UBE2W: variants seen among roughly 807,000 people sequenced by gnomAD.
UBE2W encodes the protein ubiquitin conjugating enzyme E2 W.
In UBE2W, 18 loss-of-function variants were observed where a neutral mutation model predicts 27.2. The ratio of observed to expected loss-of-function variants is 0.66; its 90% CI spans 0.46 to 0.98. UBE2W has a LOEUF of 0.98. Ranked by LOEUF, UBE2W falls within the 50% of genes least tolerant of loss-of-function variation. UBE2W has a pLI of 0.00. For missense variants in UBE2W, 90 were observed against 180.2 expected, an observed-to-expected ratio of 0.50 and a Z score of 2.87; for synonymous variants, 53 against 57.2, an observed-to-expected ratio of 0.93 and a Z score of 0.33.
chr8:73,862,577 G>C (rs1426185254), intron 1 of UBE2W, among the ~76,000 whole-genome samples: 2 of 146,058 alleles, frequency 1.4e-5, no homozygotes, highest in Non-Finnish European at 3.0e-5. Context: ...ATTGACAAAT[G>C]GGATCTAATT....
intron 1 of UBE2W, among the ~76,000 whole-genome samples, chr8:73,852,846 T>C (rs1586525613): frequency 6.6e-6 from 1 of 152,140 alleles, no homozygotes; most frequent in Non-Finnish European, 1.5e-5. Context: ...GAAAGAACTA[T>C]GTAAACTATG....
At chr8:73,835,393 C>G (rs1006793325) in intron 1 of UBE2W, among the ~76,000 whole-genome samples, 1 of 152,042 alleles carries the variant, frequency 6.6e-6, no homozygotes. Context: ...TCTGTGTGAC[C>G]AATGGAATAC....
At chr8:73,850,929 G>A (rs1011174156) in intron 1 of UBE2W, among the ~76,000 whole-genome samples, 4 of 151,566 alleles carry the variant, frequency 2.6e-5, no homozygotes, top group Admixed American at 1.3e-4. Context: ...GCGCAATCTC[G>A]GCTTAATGCA....
intron 1 of UBE2W, among the ~76,000 whole-genome samples, chr8:73,873,218 C>T (rs1002198928): frequency 6.6e-6 from 1 of 152,120 alleles, no homozygotes; most frequent in African/African-American, 2.4e-5. Context: ...TATTTTCTAA[C>T]TTTTAATTAT....
intron 5 of UBE2W, among the ~76,000 whole-genome samples, chr8:73,800,860 G>A (rs1232724343): frequency 2.6e-5 from 4 of 152,162 alleles, no homozygotes; most frequent in Non-Finnish European, 4.4e-5. Context: ...TTGGGAGGCC[G>A]AGGGGGCAGA....
chr8:73,838,264 A>C (rs905576769), intron 1 of UBE2W, among the ~76,000 whole-genome samples: 1 of 152,152 alleles, frequency 6.6e-6, no homozygotes, highest in African/African-American at 2.4e-5. Flanking sequence ...ATGAAACCAC[A>C]CTAATTTATT....
At chr8:73,841,313 AAACTC>A (rs1300370900) in intron 1 of UBE2W, among the ~76,000 whole-genome samples, 1 of 152,202 alleles carries the variant, frequency 6.6e-6, no homozygotes, top group Non-Finnish European at 1.5e-5. Flanking sequence ...AAACAGAACT[AAACTC>A]AGGCTGAGTA....
At chr8:73,851,605 T>A (rs1811082897) in intron 1 of UBE2W, among the ~76,000 whole-genome samples, 1 of 152,140 alleles carries the variant, frequency 6.6e-6, no homozygotes, top group South Asian at 2.1e-4. Flanking sequence ...AATAAAAATA[T>A]GATCATGCTG....
At chr8:73,794,138 ATAAT>A in intron 5 of UBE2W, 23 bp from the exon 6 acceptor site, 6 of 1,611,234 alleles carry the variant, frequency 3.7e-6, no homozygotes, top group Non-Finnish European at 5.1e-6. Flanking sequence ...GAGAAAAAAG[ATAAT>A]TAAAAAGTCA....
chr8:73,820,185 A>G (rs1809549256), intron 3 of UBE2W, among the ~76,000 whole-genome samples: 1 of 152,152 alleles, frequency 6.6e-6, no homozygotes, highest in Non-Finnish European at 1.5e-5. Flanking sequence ...TTACTGCCCT[A>G]GAGGACTGGT....
intron 1 of UBE2W, among the ~76,000 whole-genome samples, chr8:73,865,990 TCAG>T (rs1257940862): frequency 6.6e-6 from 1 of 152,026 alleles, no homozygotes; most frequent in East Asian, 1.9e-4. Context: ...AAACATATTC[TCAG>T]CAGACCAGGA....
intron 1 of UBE2W, among the ~76,000 whole-genome samples, chr8:73,841,449 T>G (rs574524871): frequency 6.6e-6 from 1 of 152,338 alleles, no homozygotes; most frequent in Admixed American, 6.5e-5. Context: ...TAAGCTAAAC[T>G]TTTTAAAATT....
intron 1 of UBE2W, among the ~76,000 whole-genome samples, chr8:73,869,770 A>G (rs1811923676): frequency 6.6e-6 from 1 of 152,144 alleles, no homozygotes; most frequent in Non-Finnish European, 1.5e-5. Context: ...AGGCTGAGGC[A>G]GGAGGATCAC....
intron 1 of UBE2W, among the ~76,000 whole-genome samples, chr8:73,857,962 C>T (rs763738961): frequency 5.3e-5 from 8 of 151,740 alleles, no homozygotes; most frequent in Non-Finnish European, 7.4e-5. Flanking sequence ...TGGTGGCTCA[C>T]GTCTGTAATC....
At chr8:73,800,760 G>A (rs1808603116) in intron 5 of UBE2W, among the ~76,000 whole-genome samples, 1 of 152,108 alleles carries the variant, frequency 6.6e-6, no homozygotes, top group African/African-American at 2.4e-5. Context: ...AGCAAAGTAT[G>A]GATTTCTCAG....
intron 4 of UBE2W, among the ~76,000 whole-genome samples, chr8:73,809,050 T>A (rs1040563966): frequency 4.6e-5 from 7 of 152,182 alleles, no homozygotes; most frequent in African/African-American, 1.4e-4. Flanking sequence ...CTTTCTATAG[T>A]CTTTAAGCGT....
At chr8:73,822,660 T>C (rs937365972) in intron 3 of UBE2W, among the ~76,000 whole-genome samples, 1 of 135,570 alleles carries the variant, frequency 7.4e-6, no homozygotes, top group Non-Finnish European at 1.5e-5. Context: ...GGCATGCACC[T>C]GTAGTCCCAG....
chr8:73,864,726 G>A, intron 1 of UBE2W, among the ~76,000 whole-genome samples: 1 of 112,890 alleles, frequency 8.9e-6, no homozygotes, highest in African/African-American at 3.4e-5. Context: ...ACAGGTGCAT[G>A]CCACCATGTC....
At chr8:73,839,210 A>T (rs1810428119) in intron 1 of UBE2W, among the ~76,000 whole-genome samples, 1 of 152,168 alleles carries the variant, frequency 6.6e-6, no homozygotes. Context: ...GATGATAGGT[A>T]CATCAGTACT....
Sources: allele counts gnomAD v4.1 joint callset (sites outside exome capture counted in the v4.1 genomes callset), GRCh38; gene constraint gnomAD v4.1.1; transcripts MANE v1.5; gene names NCBI Gene and HGNC (gene_info 2026-07-23, HGNC 2026-07-21).